FSTL4: variants seen among roughly 807,000 people sequenced by gnomAD.
FSTL4 encodes follistatin-related protein 4.
In FSTL4, 28 loss-of-function variants were observed where a neutral mutation model predicts 78.2. The observed-to-expected ratio is 0.36, with a 90% CI of 0.27 to 0.49. The LOEUF (loss-of-function observed/expected upper bound fraction) is 0.49, where lower values mean the gene tolerates loss of function less well. Among genes scored for constraint, FSTL4 ranks in the 20% least tolerant of loss-of-function variants. The pLI is 0.98. For missense variants in FSTL4, 922 were observed against 1,084.9 expected (o/e 0.85, Z 2.11); for synonymous variants, 422 against 440.5 (o/e 0.96, Z 0.53).
At chr5:133,760,465 C>T in the FSTL4 span, among the ~76,000 whole-genome samples, 1 of 152,156 alleles carries the variant, frequency 6.6e-6, no homozygotes, top group Non-Finnish European at 1.5e-5. Context: ...GGCTGAAGCC[C>T]CATCTCTATA....
intron 3 of FSTL4, among the ~76,000 whole-genome samples, chr5:133,406,089 G>A (rs572826306): frequency 6.6e-6 from 1 of 152,134 alleles, no homozygotes; most frequent in South Asian, 2.1e-4. Context: ...TTAAATGCGA[G>A]GAAGGAAATA....
At chr5:133,820,411 CT>C in the FSTL4 span, among the ~76,000 whole-genome samples, 5 of 152,186 alleles carry the variant, frequency 3.3e-5, no homozygotes, top group African/African-American at 1.2e-4. Flanking sequence ...CACATTCTTC[CT>C]GGTTACAACA....
the FSTL4 span, among the ~76,000 whole-genome samples, chr5:133,725,718 T>G: frequency 6.6e-6 from 1 of 152,206 alleles, no homozygotes; most frequent in Non-Finnish European, 1.5e-5. Context: ...TTAATAACAC[T>G]CTTTATAATA....
chr5:133,348,524 G>A (rs1252790020), intron 4 of FSTL4, among the ~76,000 whole-genome samples: 1 of 152,238 alleles, frequency 6.6e-6, no homozygotes, highest in African/African-American at 2.4e-5. Flanking sequence ...GTCCCAGGAT[G>A]CCATGGGAAA....
Position 133,517,085 on chromosome 5 carries a change from A to G in FSTL4, c.160+50101T>C, listed in dbSNP as rs958707765. 3.3e-5 allele frequency among the ~76,000 whole-genome samples: 5 copies of G among 151,428 alleles called. No individual in the cohort carries two copies. In the South Asian group the frequency reaches 1.0e-3, roughly 32 times the overall value. ...GAGTGAGACCCTGTCTCAAAAAAAA[A>G]AAATCGGCCTTATAGCAAACATTGA... On this transcript the variant is annotated intron_variant, in intron 3 of 15. Transcript: ENST00000265342.
At chr5:133,233,264 C>T (rs1467365829) in intron 8 of FSTL4, among the ~76,000 whole-genome samples, 153 bp downstream of exon 8, 3 of 152,246 alleles carry the variant, frequency 2.0e-5, no homozygotes, top group Admixed American at 6.5e-5. Context: ...TTTGCCCTTT[C>T]CACACGGTTC....
intron 3 of FSTL4, among the ~76,000 whole-genome samples, chr5:133,433,816 G>T (rs1357278007): frequency 6.6e-6 from 1 of 152,144 alleles, no homozygotes; most frequent in Non-Finnish European, 1.5e-5. Context: ...GGGAAGAGCT[G>T]GTGTCAAGGC....
At chr5:133,254,695 A>G (rs1752341279) in intron 6 of FSTL4, among the ~76,000 whole-genome samples, 1 of 152,184 alleles carries the variant, frequency 6.6e-6, no homozygotes, top group African/African-American at 2.4e-5. Context: ...CTGAAACCTG[A>G]TTTAGGCTAC....
At chr5:133,421,599 G>T (rs1450672335) in intron 3 of FSTL4, among the ~76,000 whole-genome samples, 1 of 152,234 alleles carries the variant, frequency 6.6e-6, no homozygotes, top group Non-Finnish European at 1.5e-5. Context: ...CTAGCAAGCT[G>T]GTCCAGGAGG....
At chr5:133,346,678 G>A (rs1450992370) in intron 4 of FSTL4, among the ~76,000 whole-genome samples, 3 of 152,116 alleles carry the variant, frequency 2.0e-5, no homozygotes, top group Non-Finnish European at 4.4e-5. Context: ...TCTTAGCTCA[G>A]CTCTGGGGAG....
chr5:133,239,549 G>C (rs1751770918), intron 7 of FSTL4, among the ~76,000 whole-genome samples: 1 of 152,184 alleles, frequency 6.6e-6, no homozygotes, highest in Admixed American at 6.5e-5. Context: ...CTAGCTCATG[G>C]TTTGTGAATG....
chr5:133,280,564 A>G (rs1752986342), intron 6 of FSTL4, among the ~76,000 whole-genome samples: 1 of 152,138 alleles, frequency 6.6e-6, no homozygotes, highest in South Asian at 2.1e-4. Context: ...CCCAGCCCCA[A>G]AGCAGGTCTC....
chr5:133,759,536 T>G, the FSTL4 span, among the ~76,000 whole-genome samples: 1 of 152,222 alleles, frequency 6.6e-6, no homozygotes, highest in Admixed American at 6.5e-5. Flanking sequence ...CAGAGAAAAC[T>G]TGTTAATGGC....
At chr5:133,753,615 A>G in the FSTL4 span, among the ~76,000 whole-genome samples, 1 of 151,546 alleles carries the variant, frequency 6.6e-6, no homozygotes, top group Non-Finnish European at 1.5e-5. Flanking sequence ...TGTACCACTC[A>G]ATAACTATTT....
chr5:133,430,799 G>A (rs895633395), intron 3 of FSTL4, among the ~76,000 whole-genome samples: 3 of 152,102 alleles, frequency 2.0e-5, no homozygotes, highest in African/African-American at 4.8e-5. Context: ...TGCTTAGCTG[G>A]CTGTGCTTAA....
the FSTL4 span, among the ~76,000 whole-genome samples, chr5:133,730,858 A>C: frequency 1.3e-5 from 2 of 152,244 alleles, no homozygotes; most frequent in Non-Finnish European, 2.9e-5. Context: ...TGAAACAAAC[A>C]AACAAAAAAG....
At chr5:133,202,113 C>T in intron 14 of FSTL4, 71 bp from the exon 15 acceptor site, 1 of 947,446 alleles carries the variant, frequency 1.1e-6, no homozygotes, top group Admixed American at 2.2e-5. Context: ...CACCTGTACG[C>T]TCAGGTGGAG....
At chr5:133,496,379 G>C (rs1758367430) in intron 3 of FSTL4, among the ~76,000 whole-genome samples, 2 of 152,188 alleles carry the variant, frequency 1.3e-5, no homozygotes, top group South Asian at 4.1e-4. Flanking sequence ...TCTCTCTCAT[G>C]CTAACCCCCT....
At chr5:133,702,031 T>A in the FSTL4 span, among the ~76,000 whole-genome samples, 1 of 151,894 alleles carries the variant, frequency 6.6e-6, no homozygotes, top group Non-Finnish European at 1.5e-5. Context: ...CCTGAAACCA[T>A]CCCCCACCCC....
Sources: gnomAD v4.1 joint callset for allele counts (sites outside exome capture counted in the v4.1 genomes callset) on GRCh38, gnomAD v4.1.1 for gene constraint, MANE v1.5 for transcripts, NCBI Gene and HGNC (gene_info 2026-07-23, HGNC 2026-07-21) for gene names.